PPM1L: variants seen among roughly 807,000 people sequenced by gnomAD.
PPM1L encodes protein phosphatase, Mg2+/Mn2+ dependent 1L.
In PPM1L, 13 loss-of-function variants were observed where a neutral mutation model predicts 31.4. The observed-to-expected ratio is 0.41, with a 90% CI of 0.27 to 0.66. The LOEUF is 0.66. Ranked by LOEUF, PPM1L falls within the 30% of genes least tolerant of loss-of-function variation. The pLI, the probability that PPM1L is intolerant of heterozygous loss-of-function variation, is 0.29. For synonymous variants in PPM1L, 184 were observed against 175.4 expected, an observed-to-expected ratio of 1.05 and a Z score of -0.39; for missense variants, 326 against 453.7, an observed-to-expected ratio of 0.72 and a Z score of 2.56.
chr3:160,767,650 A>G (rs1160151911), intron 1 of PPM1L, among the ~76,000 whole-genome samples: 1 of 152,192 alleles, frequency 6.6e-6, no homozygotes, highest in African/African-American at 2.4e-5. Flanking sequence ...TTATTGTTGC[A>G]AATTTTGGTC....
At chr3:160,893,273 A>G (rs562612833) in intron 1 of PPM1L, among the ~76,000 whole-genome samples, 1 of 152,320 alleles carries the variant, frequency 6.6e-6, no homozygotes, top group African/African-American at 2.4e-5. Context: ...GCAGGGAACC[A>G]ATATAGGGAA....
chr3:161,017,113 G>A (rs1309226677), intron 2 of PPM1L, among the ~76,000 whole-genome samples: 1 of 152,072 alleles, frequency 6.6e-6, no homozygotes. Context: ...TGTAACTGTG[G>A]ATAGAGATGA....
intron 1 of PPM1L, among the ~76,000 whole-genome samples, chr3:160,766,173 G>A (rs919998285): frequency 2.6e-5 from 4 of 152,088 alleles, no homozygotes; most frequent in African/African-American, 7.2e-5. Context: ...AAAGTACAGA[G>A]CATTTTTATT....
chr3:161,041,640 C>T (rs1416973915), intron 2 of PPM1L, among the ~76,000 whole-genome samples: 3 of 151,968 alleles, frequency 2.0e-5, no homozygotes, highest in Admixed American at 6.6e-5. Flanking sequence ...CCCAGCTACT[C>T]GGGAGGCTGA....
chr3:160,817,061 A>G (rs748567534), intron 1 of PPM1L, among the ~76,000 whole-genome samples: 2 of 152,136 alleles, frequency 1.3e-5, no homozygotes, highest in African/African-American at 4.8e-5. Context: ...AAGAAAAGTT[A>G]CAAGGAGGAA....
chr3:160,889,860 A>G (rs1186991805), intron 1 of PPM1L, among the ~76,000 whole-genome samples: 1 of 152,246 alleles, frequency 6.6e-6, no homozygotes, highest in Non-Finnish European at 1.5e-5. Flanking sequence ...ATGCAAATCA[A>G]TAAACATAAT....
At chr3:161,053,604 AAATT>A (rs1295493686) in intron 2 of PPM1L, among the ~76,000 whole-genome samples, 1 of 152,234 alleles carries the variant, frequency 6.6e-6, no homozygotes, top group Non-Finnish European at 1.5e-5. Context: ...TGAAGTGTGA[AAATT>A]AAATGAACAC....
At chr3:160,989,780 C>T (rs1314768116) in intron 2 of PPM1L, among the ~76,000 whole-genome samples, 1 of 152,086 alleles carries the variant, frequency 6.6e-6, no homozygotes, top group African/African-American at 2.4e-5. Flanking sequence ...CCACCTCAGC[C>T]TCCCAAGTGG....
In PPM1L at chr3:161,075,356, T is replaced by A. The variant is rs1330057005; in HGVS notation, c.*6199T>A. 1 of 152,192 alleles carries A rather than the reference T, an allele frequency of 6.6e-6. No homozygotes were observed. Among genetic ancestry groups the A allele is most frequent in the Non-Finnish European group, 1.5e-5 (1 of 68,032 alleles). The allele number at this position is 152,192 out of a possible 1,614,324, so 9.4% of individuals were successfully genotyped here. On this transcript the variant is annotated 3_prime_UTR_variant, in exon 4 of 4. Coordinates refer to ENST00000498165, the MANE Select transcript of PPM1L (RefSeq NM_139245.4). ...AATGTGGATTATCAGATTTTTACTA[T>A]ATATAGGTTGTGTTTAATAGTAATT... is the stretch of plus-strand genomic sequence containing the variant.
chr3:160,952,374 G>T (rs796145787), intron 1 of PPM1L, among the ~76,000 whole-genome samples: 44 of 152,318 alleles, frequency 2.9e-4, no homozygotes, highest in African/African-American at 1.0e-3. Flanking sequence ...CTTTTCAAGG[G>T]CAGGGAAACC....
intron 1 of PPM1L, among the ~76,000 whole-genome samples, chr3:160,931,937 C>T (rs1007233563): frequency 6.6e-6 from 1 of 152,184 alleles, no homozygotes; most frequent in Non-Finnish European, 1.5e-5. Flanking sequence ...TCTGCCTTCT[C>T]AGAGACTTTT....
At chr3:160,966,127 G>A (rs116530293) in intron 2 of PPM1L, among the ~76,000 whole-genome samples, 2,286 of 152,102 alleles carry the variant, frequency 0.015, 61 homozygotes, top group African/African-American at 0.053. Flanking sequence ...CAACCCTACC[G>A]TGTCACAGAA....
At chr3:160,768,982 A>C (rs1715179812) in intron 1 of PPM1L, among the ~76,000 whole-genome samples, 1 of 152,172 alleles carries the variant, frequency 6.6e-6, no homozygotes, top group Non-Finnish European at 1.5e-5. Flanking sequence ...ATGAGCAGGA[A>C]ATTATATCTG....
At chr3:160,899,298 C>T (rs924695710) in intron 1 of PPM1L, among the ~76,000 whole-genome samples, 1 of 152,086 alleles carries the variant, frequency 6.6e-6, no homozygotes. Context: ...TTAAAGCAGG[C>T]CTGTTCACTC....
intron 1 of PPM1L, among the ~76,000 whole-genome samples, chr3:160,955,644 A>C (rs1276966044): frequency 6.8e-6 from 1 of 146,672 alleles, no homozygotes; most frequent in Non-Finnish European, 1.5e-5. Context: ...TTGGCTGGCT[A>C]ACAAGTTTTC....
intron 1 of PPM1L, among the ~76,000 whole-genome samples, chr3:160,839,887 G>A (rs960209381): frequency 5.9e-5 from 9 of 152,058 alleles, no homozygotes; most frequent in Non-Finnish European, 1.0e-4. Context: ...CTTTCCCTAG[G>A]TGACATAAAA....
chr3:160,980,054 G>C (rs906002360), intron 2 of PPM1L, among the ~76,000 whole-genome samples: 2 of 151,926 alleles, frequency 1.3e-5, no homozygotes, highest in African/African-American at 2.4e-5. Context: ...CAGATTCCAG[G>C]GTAGGGCTGG....
chr3:160,829,054 A>G (rs1399077598), intron 1 of PPM1L, among the ~76,000 whole-genome samples: 1 of 151,998 alleles, frequency 6.6e-6, no homozygotes, highest in Non-Finnish European at 1.5e-5. Context: ...TGAGAACATG[A>G]TACATGTCGT....
At chr3:160,757,154 C>G (rs919121432) in intron 1 of PPM1L, among the ~76,000 whole-genome samples, 5 of 152,194 alleles carry the variant, frequency 3.3e-5, no homozygotes, top group African/African-American at 1.2e-4. Flanking sequence ...GGCAAACAGG[C>G]TATATCTGCA....
Sources: allele counts gnomAD v4.1 joint callset (sites outside exome capture counted in the v4.1 genomes callset), GRCh38; gene constraint gnomAD v4.1.1; transcripts MANE v1.5; gene names NCBI Gene and HGNC (gene_info 2026-07-23, HGNC 2026-07-21).